CADM1: variants seen among roughly 807,000 people sequenced by gnomAD.
CADM1 encodes the protein cell adhesion molecule 1, also known as TSLC-1.
A neutral mutation model predicts 53.1 loss-of-function variants in CADM1; 15 were observed. The observed-to-expected ratio is 0.28, with a 90% CI of 0.19 to 0.44. The LOEUF (loss-of-function observed/expected upper bound fraction) is 0.44. Among genes scored for constraint, CADM1 ranks in the 20% least tolerant of loss-of-function variants. The pLI, the probability that CADM1 is intolerant of heterozygous loss-of-function variation, is 1.00. For synonymous variants in CADM1, 281 were observed against 243.0 expected (o/e 1.16, Z -1.45); for missense variants, 434 against 611.3 (o/e 0.71, Z 3.06).
At position 115,175,735 on chromosome 11, in the gene CADM1, T is replaced by C. The variant is rs546624749; in HGVS notation, c.*739A>G. On this transcript the variant is annotated 3_prime_UTR_variant, in exon 12 of 12. Transcript: ENST00000331581. Reference sequence around the variant, plus strand: ...AAATTCAATCTCATTGTGACACACCTCACTTGCAGATAACCCTGTACAGTA... The same window carrying C: ...AAATTCAATCTCATTGTGACACACCCCACTTGCAGATAACCCTGTACAGTA... 1 of 988,706 alleles carries C rather than the reference T, an allele frequency of 1.0e-6. No individual in the cohort carries two copies. The highest frequency in any genetic ancestry group is 4.7e-5 in the South Asian group (1 of 21,450). The allele number at this position is 988,706 out of a possible 1,614,324, so 61.2% of individuals were successfully genotyped here.
chr11:115,211,188 A>C (rs1388264031), intron 7 of CADM1, among the ~76,000 whole-genome samples: 2 of 64,030 alleles, frequency 3.1e-5, no homozygotes, highest in Non-Finnish European at 1.2e-4. Context: ...TGGAGGCCAC[A>C]GGTAGGGAAG....
chr11:115,310,187 C>T lies in CADM1; in HGVS notation c.125-69767G>A, dbSNP rs554872898. On this transcript the variant is annotated intron_variant, in intron 1 of 11. Coordinates refer to ENST00000331581, the MANE Select transcript of CADM1 (RefSeq NM_001301043.2). The stretch of plus-strand genomic sequence containing the variant: ...TCATAAGTAAAAGGTCAAGGTTATG[C>T]CTATAAAACTTCATAAATAGCCAGA... Among the ~76,000 whole-genome samples, 4 of 152,052 alleles carry T rather than the reference C, an allele frequency of 2.6e-5. No homozygotes were observed. In the East Asian group the frequency reaches 7.8e-4, roughly 29 times the overall value.
At chr11:115,263,071 G>A (rs1328344064) in intron 1 of CADM1, among the ~76,000 whole-genome samples, 1 of 152,250 alleles carries the variant, frequency 6.6e-6, no homozygotes, top group East Asian at 1.9e-4. Flanking sequence ...CCGAGGTTAT[G>A]AATTTGGGGA....
intron 7 of CADM1, among the ~76,000 whole-genome samples, chr11:115,211,843 C>T (rs1940981422): frequency 6.6e-6 from 1 of 151,976 alleles, no homozygotes; most frequent in African/African-American, 2.4e-5. Context: ...TGTGTGATGT[C>T]CACAATACAA....
chr11:115,430,200 G>C (rs1191757950), intron 1 of CADM1, among the ~76,000 whole-genome samples: 1 of 152,156 alleles, frequency 6.6e-6, no homozygotes, highest in Non-Finnish European at 1.5e-5. Flanking sequence ...TATTCATAAG[G>C]CTCTATAGCT....
At chr11:115,203,675 AATT>A (rs1288413801) in intron 8 of CADM1, among the ~76,000 whole-genome samples, 1 of 152,184 alleles carries the variant, frequency 6.6e-6, no homozygotes, top group Non-Finnish European at 1.5e-5. Context: ...AAGTTATTGA[AATT>A]ATGATAGAGG....
intron 1 of CADM1, among the ~76,000 whole-genome samples, chr11:115,281,510 T>C (rs888454435): frequency 1.3e-5 from 2 of 152,226 alleles, no homozygotes; most frequent in African/African-American, 4.8e-5. Flanking sequence ...AAATTTTGCA[T>C]GAATTTATTT....
At chr11:115,444,717 A>G (rs1247536065) in intron 1 of CADM1, among the ~76,000 whole-genome samples, 3 of 152,202 alleles carry the variant, frequency 2.0e-5, no homozygotes, top group Non-Finnish European at 4.4e-5. Flanking sequence ...CCATTTTCTT[A>G]TTTACAAATA....
intron 1 of CADM1, among the ~76,000 whole-genome samples, chr11:115,258,993 CTT>C (rs565534099): frequency 6.8e-6 from 1 of 147,368 alleles, no homozygotes. Context: ...AACTTTCCAA[CTT>C]TTTTTTTTTA....
At chr11:115,393,066 C>CAAAAAAAAA (rs758785520) in intron 1 of CADM1, among the ~76,000 whole-genome samples, 1 of 50,236 alleles carries the variant, frequency 2.0e-5, no homozygotes, top group Non-Finnish European at 3.8e-5. Context: ...CCATCTCTTC[C>CAAAAAAAAA]AAAAAAAAAA....
At chr11:115,204,015 A>G (rs1940561606) in intron 8 of CADM1, among the ~76,000 whole-genome samples, 1 of 152,244 alleles carries the variant, frequency 6.6e-6, no homozygotes, top group Non-Finnish European at 1.5e-5. Context: ...ATACTGGCAT[A>G]TCAATAACAC....
intron 1 of CADM1, among the ~76,000 whole-genome samples, chr11:115,495,720 A>C (rs183743338): frequency 1.3e-3 from 199 of 152,344 alleles, no homozygotes; most frequent in Non-Finnish European, 2.3e-3. Flanking sequence ...AAACGTGTTG[A>C]AAACACTAGC....
chr11:115,365,396 A>G (rs1245496218), intron 1 of CADM1, among the ~76,000 whole-genome samples: 1 of 152,182 alleles, frequency 6.6e-6, no homozygotes, highest in Non-Finnish European at 1.5e-5. Flanking sequence ...AGGATTCTGC[A>G]TTTAGATTGG....
chr11:115,255,964 C>T (rs1353343879), intron 1 of CADM1, among the ~76,000 whole-genome samples: 1 of 152,218 alleles, frequency 6.6e-6, no homozygotes, highest in African/African-American at 2.4e-5. Flanking sequence ...TTCTAGCCAG[C>T]GCTCTCACCC....
At chr11:115,503,716 G>C (rs1949786096) in intron 1 of CADM1, among the ~76,000 whole-genome samples, 1 of 152,224 alleles carries the variant, frequency 6.6e-6, no homozygotes, top group Non-Finnish European at 1.5e-5. Context: ...AGAGCGCGTT[G>C]GGGGAAGGGG....
chr11:115,295,519 TA>T (rs1565349092), intron 1 of CADM1, among the ~76,000 whole-genome samples: 12 of 69,492 alleles, frequency 1.7e-4, no homozygotes, highest in Non-Finnish European at 1.8e-4. Flanking sequence ...TATATATATA[TA>T]TATATATATA....
At chr11:115,211,764 C>T (rs1328364861) in intron 7 of CADM1, among the ~76,000 whole-genome samples, 2 of 151,854 alleles carry the variant, frequency 1.3e-5, no homozygotes, top group Non-Finnish European at 2.9e-5. Flanking sequence ...GCTGAGATTA[C>T]AGGCGTGAGC....
intron 1 of CADM1, among the ~76,000 whole-genome samples, chr11:115,351,883 A>G (rs1300722374): frequency 1.3e-5 from 2 of 152,180 alleles, no homozygotes; most frequent in Non-Finnish European, 2.9e-5. Context: ...GGAGGAAGAA[A>G]GACAATGGTT....
At chr11:115,324,211 C>A (rs1051116338) in intron 1 of CADM1, among the ~76,000 whole-genome samples, 4 of 152,078 alleles carry the variant, frequency 2.6e-5, no homozygotes, top group Admixed American at 2.0e-4. Context: ...TCTTCAACAC[C>A]CTTAATGTAC....
Sources: allele counts gnomAD v4.1 joint callset (sites outside exome capture counted in the v4.1 genomes callset), GRCh38; gene constraint gnomAD v4.1.1; transcripts MANE v1.5; gene names NCBI Gene and HGNC (gene_info 2026-07-23, HGNC 2026-07-21).